PDE6C: variants seen among roughly 807,000 people sequenced by gnomAD.
PDE6C encodes phosphodiesterase 6C, also known as cone cGMP-specific 3',5'-cyclic phosphodiesterase subunit alpha'.
Under a neutral mutation model 113.1 loss-of-function variants are expected in PDE6C, and 75 were observed. That is an observed-to-expected ratio of 0.66 (90% CI 0.55 to 0.80). The LOEUF (loss-of-function observed/expected upper bound fraction) is 0.80, where lower values mean the gene tolerates loss of function less well. Ranked by LOEUF, PDE6C falls within the 30% of genes least tolerant of loss-of-function variation. PDE6C has a pLI of 0.00. For synonymous variants in PDE6C, 375 were observed against 363.7 expected (o/e 1.03, Z -0.35); for missense variants, 912 against 1,038.6 (o/e 0.88, Z 1.67).
Position 93,665,841 on chromosome 10 carries a change from TC to T in PDE6C, c.*424del. On this transcript the variant is annotated 3_prime_UTR_variant, in exon 22 of 22. Transcript: ENST00000371447. ...GGCAGGGTTGGTTTCTTGGGAGGCC[TC>T]TCAACTTGGTTTGCAGATGGCCATC... 3.9e-6 allele frequency: 1 copy of T among 254,968 alleles called. No homozygotes were observed. The highest frequency in any genetic ancestry group is 7.6e-6 in the Non-Finnish European group (1 of 131,944). 15.8% of individuals were successfully genotyped at this position (254,968 alleles called of 1,614,324 possible).
At position 93,641,148 on chromosome 10, in the gene PDE6C, A is replaced by G. The variant is rs1004283815; in HGVS notation, c.1847+119A>G. On this transcript the variant is annotated intron_variant, in intron 14 of 21. Coordinates refer to ENST00000371447, the MANE Select transcript of PDE6C (RefSeq NM_006204.4). ...TCAATGCCTCTTTGCCATGTTGGAA[A>G]TTCCAGGGCTGGATTCTATTCCCTC... 2.8e-5 allele frequency: 19 copies of G among 682,346 alleles called. No homozygotes were observed. The African/African-American group carries it at 3.2e-4, about 12-fold the overall frequency. 42.3% of individuals were successfully genotyped at this position (682,346 alleles called of 1,614,324 possible). A position where few individuals can be genotyped will look rare whatever the true frequency, so the allele number is the denominator to read the frequency against.
intron 1 of PDE6C, among the ~76,000 whole-genome samples, chr10:93,619,662 G>A (rs1234934383): frequency 2.0e-5 from 3 of 152,170 alleles, no homozygotes; most frequent in Non-Finnish European, 4.4e-5. Flanking sequence ...CTAACCTCAG[G>A]TGATCCGCCT....
At chr10:93,615,485 A>C (rs2058415871) in intron 1 of PDE6C, among the ~76,000 whole-genome samples, 1 of 152,106 alleles carries the variant, frequency 6.6e-6, no homozygotes, top group Non-Finnish European at 1.5e-5. Context: ...GGGTTCAAGC[A>C]ATTATCCTGC....
At chr10:93,660,264 A>C (rs2058660199) in intron 18 of PDE6C, among the ~76,000 whole-genome samples, 1 of 152,250 alleles carries the variant, frequency 6.6e-6, no homozygotes, top group South Asian at 2.1e-4. Flanking sequence ...CATGTAATAC[A>C]GGAGCCTTCG....
At chr10:93,660,182 A>G in intron 18 of PDE6C, among the ~76,000 whole-genome samples, 1 of 152,188 alleles carries the variant, frequency 6.6e-6, no homozygotes, top group East Asian at 1.9e-4. Flanking sequence ...CACCCATCCT[A>G]GCTTCATGAC....
intron 11 of PDE6C, among the ~76,000 whole-genome samples, chr10:93,638,245 TC>T (rs36000137): frequency 0.29 from 44,444 of 152,112 alleles, 6,693 homozygotes; most frequent in Admixed American, 0.37. Context: ...TCTCACCTTC[TC>T]CCTTTCCATC....
rs199639660 is a variant in PDE6C at position 93,620,883 on chromosome 10, G to A, written c.634-8G>A. The A allele has an allele frequency of 3.7e-5, 60 of 1,613,360 alleles. No homozygotes were observed. Among genetic ancestry groups the A allele is most frequent in the Admixed American group, 1.0e-4 (6 of 60,024 alleles). ...CAACCATAACTTGTTATTCTCTGCC[G>A]TCTGTAGGTCTTTTCCAAATACCTC... On this transcript the variant is annotated splice_region_variant and splice_polypyrimidine_tract_variant and intron_variant, in intron 2 of 21. Coordinates refer to ENST00000371447, the MANE Select transcript of PDE6C (RefSeq NM_006204.4).
intron 13 of PDE6C, 53 bp from the exon 14 acceptor site, chr10:93,640,867 G>T (rs759747893): frequency 4.3e-4 from 492 of 1,139,636 alleles, no homozygotes; most frequent in Non-Finnish European, 5.5e-4. Flanking sequence ...TTGGTATAGA[G>T]GTATATTAAT....
intron 14 of PDE6C, 109 bp from the exon 15 acceptor site, chr10:93,645,851 A>G: frequency 1.4e-6 from 1 of 726,200 alleles, no homozygotes; most frequent in South Asian, 1.4e-5. Flanking sequence ...CACTTCACAG[A>G]TAATTGAGTG....
rs533473691 is a variant in PDE6C, at chr10:93,612,821, G to A, written c.96G>A (p.Val32=). The stretch of plus-strand genomic sequence containing the variant: ...TTGACAGGAAGTTGCGGGTGGAGGT[G>A]CTGGGAGAAATCTTCAAGAACAGCC... ...EYFDRKLRVE[V]LGEIFKNSQV... Residue 32 remains valine, a synonymous_variant, in exon 1 of 22, where the codon GTG becomes GTA. Transcript: ENST00000371447. 1 of 1,614,074 alleles carries A rather than the reference G, an allele frequency of 6.2e-7. No homozygotes were observed. The highest frequency in any genetic ancestry group is 1.3e-5 in the African/African-American group (1 of 74,938).
At chr10:93,630,947 A>G (rs2058498367) in intron 8 of PDE6C, among the ~76,000 whole-genome samples, 1 of 152,258 alleles carries the variant, frequency 6.6e-6, no homozygotes. Flanking sequence ...CGTGGATGTC[A>G]GAATAGGATG....
At chr10:93,652,940 T>C (rs2058616075) in intron 15 of PDE6C, among the ~76,000 whole-genome samples, 1 of 152,214 alleles carries the variant, frequency 6.6e-6, no homozygotes, top group Non-Finnish European at 1.5e-5. Flanking sequence ...TAATGTGCTA[T>C]AAATATTAAC....
intron 8 of PDE6C, 145 bp downstream of exon 8, chr10:93,629,450 G>T: frequency 1.3e-6 from 1 of 740,978 alleles, no homozygotes; most frequent in South Asian, 1.4e-5. Context: ...CACCCTGGCT[G>T]GGCCAGCAAG....
intron 19 of PDE6C, 72 bp from the exon 20 acceptor site, chr10:93,662,488 A>T (rs10882298): frequency 1.9e-4 from 120 of 616,996 alleles, no homozygotes; most frequent in Non-Finnish European, 2.4e-4. Context: ...AAAAAAAGTT[A>T]TCAGGACAAA....
intron 15 of PDE6C, among the ~76,000 whole-genome samples, chr10:93,650,501 G>C (rs1355467984): frequency 1.3e-5 from 2 of 152,126 alleles, no homozygotes; most frequent in African/African-American, 4.8e-5. Context: ...TCTCTCCTTG[G>C]CTTTCCAAAG....
Position 93,626,866 on chromosome 10 carries a change from G to T in PDE6C, c.1066G>T (p.Gly356Ter), listed in dbSNP as rs766098565. 1 of 1,612,256 alleles carries T rather than the reference G, an allele frequency of 6.2e-7. No homozygotes were observed. Among genetic ancestry groups the T allele is most frequent in the Non-Finnish European group, 8.5e-7 (1 of 1,178,774 alleles). ...GTTGCCAACATATGTTGCTGAAAAT[G>T]GATTTGTAAGTTATTGAACAAATTC... ...SGLPTYVAEN[G>*]FICNMMNAPA... Residue 356 changes from glycine to a stop codon, truncating the protein, a stop_gained, in exon 7 of 22, where the codon GGA becomes TGA. Coordinates refer to ENST00000371447, the MANE Select transcript of PDE6C (RefSeq NM_006204.4). LOFTEE classifies it high-confidence loss of function.
At chr10:93,644,255 C>T (rs1333597097) in intron 14 of PDE6C, among the ~76,000 whole-genome samples, 1 of 152,142 alleles carries the variant, frequency 6.6e-6, no homozygotes, top group Non-Finnish European at 1.5e-5. Context: ...GGAACATTTT[C>T]TCCTTTGCAA....
chr10:93,663,672 G>A lies in PDE6C; in HGVS notation c.2518+494G>A, dbSNP rs181888216. ...CATGTAGAGTAAGGCTGAAATTGCCGGTCTCCCAAATGTCTCATTGGGAGA... is the reference window on the plus strand; with the variant it reads ...CATGTAGAGTAAGGCTGAAATTGCCAGTCTCCCAAATGTCTCATTGGGAGA... On this transcript the variant is annotated intron_variant, in intron 21 of 21. Coordinates refer to ENST00000371447, the MANE Select transcript of PDE6C (RefSeq NM_006204.4). 1.4e-4 allele frequency among the ~76,000 whole-genome samples: 16 copies of A among 112,118 alleles called. No homozygotes were observed. The Admixed American group carries it at 1.4e-3, about 10-fold the overall frequency. The allele number at this position is 112,118 out of a possible 152,430, so 73.6% of individuals were successfully genotyped here.
In PDE6C at chr10:93,665,513, G is replaced by A; in HGVS notation, c.*95G>A. Reference sequence around the variant, plus strand: ...ACTTCAACAAATCATCACGTAACAGGATCTTCAGAAAAACTACCCTGTGAC... The same window carrying A: ...ACTTCAACAAATCATCACGTAACAGAATCTTCAGAAAAACTACCCTGTGAC... On this transcript the variant is annotated 3_prime_UTR_variant, in exon 22 of 22. Coordinates refer to ENST00000371447, the MANE Select transcript of PDE6C (RefSeq NM_006204.4). 1 of 858,876 alleles carries A rather than the reference G, an allele frequency of 1.2e-6. No individual in the cohort carries two copies. The highest frequency in any genetic ancestry group is 1.4e-5 in the South Asian group (1 of 72,392). 53.2% of individuals were successfully genotyped at this position (858,876 alleles called of 1,614,324 possible).
Sources: gnomAD v4.1 joint callset for allele counts (sites outside exome capture counted in the v4.1 genomes callset) on GRCh38, gnomAD v4.1.1 for gene constraint, MANE v1.5 for transcripts, NCBI Gene and HGNC (gene_info 2026-07-23, HGNC 2026-07-21) for gene names.